The following PREX2 variants were observed in gnomAD, a reference collection of about 807,000 sequenced individuals.
PREX2 encodes the protein phosphatidylinositol-3,4,5-trisphosphate dependent Rac exchange factor 2.
PREX2 carries 107 observed loss-of-function variants against 203.2 expected under a neutral mutation model. That is an observed-to-expected ratio of 0.53 (90% CI 0.45 to 0.62). The LOEUF is 0.62. Among genes scored for constraint, PREX2 ranks in the 20% least tolerant of loss-of-function variants. The probability of loss-of-function intolerance (pLI) is 0.00; values close to 1 mark genes in which losing one functional copy is unlikely to be tolerated. For missense variants in PREX2, 1,777 were observed against 1,955.9 expected, an observed-to-expected ratio of 0.91 and a Z score of 1.72; for synonymous variants, 672 against 663.6, an observed-to-expected ratio of 1.01 and a Z score of -0.19.
Position 67,999,478 on chromosome 8 carries a change from C to CAAAAAAAAAAAAAAAAAAA in PREX2, c.142-18351_142-18350insAAAAAAAAAAAAAAAAAAA, listed in dbSNP as rs58916146. ...AATCAGTAATAAATAGCCAACAAAC[C>CAAAAAAAAAAAAAAAAAAA]AAAAAAAAAAAAAAAAAGCCCAGAA... is the stretch of plus-strand genomic sequence containing the variant. On this transcript the variant is annotated intron_variant, in intron 1 of 39. Coordinates refer to ENST00000288368, the MANE Select transcript of PREX2 (RefSeq NM_024870.4). 2.2e-5 allele frequency among the ~76,000 whole-genome samples: 2 copies of CAAAAAAAAAAAAAAAAAAA among 92,092 alleles called. 1 individual carries two copies. The highest frequency in any genetic ancestry group is 8.1e-5 in the African/African-American group (2 of 24,568). The allele number at this position is 92,092 out of a possible 152,430, so 60.4% of individuals were successfully genotyped here. A position where few individuals can be genotyped will look rare whatever the true frequency, so the allele number is the denominator to read the frequency against.
chr8:68,058,108 G>T (rs1897874), intron 10 of PREX2, among the ~76,000 whole-genome samples: 44,425 of 152,052 alleles, frequency 0.29, 9,013 homozygotes, highest in African/African-American at 0.58. Context: ...ATCCTTGTCC[G>T]TTAGCAGAGT....
intron 9 of PREX2, among the ~76,000 whole-genome samples, chr8:68,053,891 C>T (rs1057049897): frequency 6.6e-6 from 1 of 152,118 alleles, no homozygotes; most frequent in Non-Finnish European, 1.5e-5. Flanking sequence ...TTTGGCCTGG[C>T]TGTATTCACT....
intron 1 of PREX2, among the ~76,000 whole-genome samples, chr8:67,957,642 C>T (rs1245063174): frequency 1.3e-5 from 2 of 152,116 alleles, no homozygotes; most frequent in African/African-American, 4.8e-5. Flanking sequence ...AGCAGGTGCT[C>T]AAGAAAACAG....
At chr8:68,015,573 G>T (rs962240247) in intron 1 of PREX2, among the ~76,000 whole-genome samples, 1 of 152,166 alleles carries the variant, frequency 6.6e-6, no homozygotes, top group Admixed American at 6.6e-5. Flanking sequence ...TTCAGTTTAT[G>T]AAGAAAAGGT....
intron 37 of PREX2, among the ~76,000 whole-genome samples, chr8:68,193,889 C>T (rs1167257893): frequency 6.6e-6 from 1 of 152,170 alleles, no homozygotes; most frequent in African/African-American, 2.4e-5. Flanking sequence ...AGTTTTCAGG[C>T]CCTATGCAGC....
chr8:68,222,434 CAA>C (rs111810920), intron 38 of PREX2, among the ~76,000 whole-genome samples: 37 of 76,960 alleles, frequency 4.8e-4, no homozygotes, highest in Admixed American at 5.6e-4. Context: ...ACAATTTTAG[CAA>C]AAAAAAAAAA....
intron 4 of PREX2, 110 bp from the exon 5 acceptor site, chr8:68,027,112 A>C (rs1175959965): frequency 1.3e-6 from 1 of 751,128 alleles, no homozygotes; most frequent in Admixed American, 2.2e-5. Context: ...AGAGAAAGAA[A>C]GTATATGAAG....
chr8:68,019,107 G>C (rs1239852643), intron 2 of PREX2, among the ~76,000 whole-genome samples: 2 of 152,212 alleles, frequency 1.3e-5, no homozygotes, highest in Non-Finnish European at 2.9e-5. Flanking sequence ...TGCCATCCAG[G>C]TTATCAGCTT....
chr8:68,083,260 G>A lies in PREX2; in HGVS notation c.1899G>A (p.Gly633=). 6.3e-7 allele frequency: 1 copy of A among 1,595,768 alleles called. No homozygotes were observed. Among genetic ancestry groups the A allele is most frequent in the Non-Finnish European group, 8.6e-7 (1 of 1,167,434 alleles). ...CTTAGATGGCTGGCATGGAAGTCGG[G>A]AAAAAGATTTTTGCTATTAATGGTG... The part of the protein sequence containing the change: ...SNAEMAGMEV[G]KKIFAINGDL... Residue 633 remains glycine, a synonymous_variant, in exon 18 of 40, where the codon GGG becomes GGA. Coordinates refer to ENST00000288368, the MANE Select transcript of PREX2 (RefSeq NM_024870.4).
intron 8 of PREX2, among the ~76,000 whole-genome samples, chr8:68,045,697 GCTAA>G (rs1808331293): frequency 1.3e-5 from 2 of 152,082 alleles, no homozygotes; most frequent in Admixed American, 1.3e-4. Flanking sequence ...TTCCTCAGTG[GCTAA>G]CTGTGGGGTG....
chr8:68,050,062 G>GTATATATATATATA (rs528671209), intron 8 of PREX2, among the ~76,000 whole-genome samples: 15 of 151,288 alleles, frequency 9.9e-5, no homozygotes, highest in African/African-American at 3.4e-4. Flanking sequence ...ATGTATGTGT[G>GTATATATATATATA]TATATATATA....
intron 5 of PREX2, among the ~76,000 whole-genome samples, chr8:68,028,587 C>G (rs1807797629): frequency 6.6e-6 from 1 of 151,962 alleles, no homozygotes; most frequent in Non-Finnish European, 1.5e-5. Flanking sequence ...TCTAGCATTG[C>G]TTGCTTAAGC....
intron 25 of PREX2, among the ~76,000 whole-genome samples, chr8:68,114,661 TG>T (rs1439424604): frequency 6.6e-6 from 1 of 152,202 alleles, no homozygotes; most frequent in Admixed American, 6.5e-5. Context: ...CATTTTAGCC[TG>T]GAGCCAGGTG....
At chr8:68,041,107 A>G (rs1808183644) in intron 7 of PREX2, among the ~76,000 whole-genome samples, 1 of 152,164 alleles carries the variant, frequency 6.6e-6, no homozygotes, top group African/African-American at 2.4e-5. Context: ...TATAGGACAC[A>G]TTTGTTTTAG....
chr8:68,115,525 A>G (rs1011396371), intron 25 of PREX2, among the ~76,000 whole-genome samples: 1 of 152,218 alleles, frequency 6.6e-6, no homozygotes, highest in Non-Finnish European at 1.5e-5. Flanking sequence ...CACAACCTGT[A>G]TTTCAATGAA....
intron 34 of PREX2, among the ~76,000 whole-genome samples, chr8:68,153,072 C>A (rs1232729763): frequency 6.6e-6 from 1 of 152,154 alleles, no homozygotes; most frequent in South Asian, 2.1e-4. Context: ...AATCACAAAA[C>A]ATTATTATGT....
In PREX2 at chr8:68,120,238, A is replaced by AG; in HGVS notation, c.3550dup (p.Ala1184GlyfsTer3). The AG allele has an allele frequency of 6.8e-6, 11 of 1,613,884 alleles. No homozygotes were observed. Among genetic ancestry groups the AG allele is most frequent in the Non-Finnish European group, 9.3e-6 (11 of 1,179,800 alleles). ...TCTCCTAAAAGGGCAGGCTGTTGTG[A>AG]GGGCCTTTGACCAAACCAAGTATCT... On this transcript the variant is annotated frameshift_variant, in exon 29 of 40. Transcript: ENST00000288368. LOFTEE classifies it high-confidence loss of function.
At chr8:68,088,722 T>C (rs7827988) in intron 19 of PREX2, among the ~76,000 whole-genome samples, 110,020 of 152,128 alleles carry the variant, frequency 0.72, 39,880 homozygotes, top group African/African-American at 0.76. Context: ...ACAGTTAAAA[T>C]CTTCCCAATA....
Position 68,093,623 on chromosome 8 carries a change from G to A in PREX2, c.2269G>A (p.Val757Ile), listed in dbSNP as rs776078625. 6.3e-7 allele frequency: 1 copy of A among 1,597,354 alleles called. No homozygotes were observed. The highest frequency in any genetic ancestry group is 1.1e-5 in the South Asian group (1 of 89,968). Residue 757 changes from valine (V) to isoleucine (I), a missense_variant, in exon 21 of 40, where the codon GTT becomes ATT. Val to Ile is a conservative substitution (Grantham distance 29). Coordinates refer to ENST00000288368, the MANE Select transcript of PREX2 (RefSeq NM_024870.4). ...RPTKQDSIQW[V>I]YNSIESAQED... Reference sequence around the variant, plus strand: ...TTTCCAGCAAGATTCCATACAATGGGTTTATAATAGCATTGAGAGTGCTCA... The same window carrying A: ...TTTCCAGCAAGATTCCATACAATGGATTTATAATAGCATTGAGAGTGCTCA...
Sources: allele counts gnomAD v4.1 joint callset (sites outside exome capture counted in the v4.1 genomes callset), GRCh38; gene constraint gnomAD v4.1.1; transcripts MANE v1.5; gene names NCBI Gene and HGNC (gene_info 2026-07-23, HGNC 2026-07-21).